The following CAMK1D variants were observed in gnomAD, a reference collection of about 807,000 sequenced individuals.
CAMK1D encodes calcium/calmodulin-dependent protein kinase type 1D.
A neutral mutation model predicts 47.7 loss-of-function variants in CAMK1D; 9 were observed. That is an observed-to-expected ratio of 0.19 (90% confidence interval 0.11 to 0.33). The LOEUF is 0.33. Among genes scored for constraint, CAMK1D ranks in the 10% least tolerant of loss-of-function variants. The pLI is 1.00. For missense variants in CAMK1D, 291 were observed against 488.7 expected, an observed-to-expected ratio of 0.60 and a Z score of 3.81; for synonymous variants, 184 against 184.9, an observed-to-expected ratio of 0.99 and a Z score of 0.04.
At chr10:12,622,698 A>G (rs964799950) in intron 2 of CAMK1D, among the ~76,000 whole-genome samples, 2 of 152,096 alleles carry the variant, frequency 1.3e-5, no homozygotes, top group African/African-American at 4.8e-5. Context: ...TCTCCCTGAA[A>G]GGAGACAAAC....
At chr10:12,766,009 A>G (rs1347634775) in intron 4 of CAMK1D, among the ~76,000 whole-genome samples, 3 of 129,122 alleles carry the variant, frequency 2.3e-5, no homozygotes, top group Admixed American at 1.9e-4. Flanking sequence ...CTTGTTGCCC[A>G]GACTGGAGTG....
intron 1 of CAMK1D, among the ~76,000 whole-genome samples, chr10:12,532,283 CTTT>C (rs375755257): frequency 6.9e-6 from 1 of 144,272 alleles, no homozygotes; most frequent in African/African-American, 2.5e-5. Context: ...TTTTTATTTT[CTTT>C]TTTTTTTTTT....
At chr10:12,809,027 G>A (rs1350713490) in intron 6 of CAMK1D, among the ~76,000 whole-genome samples, 1 of 151,398 alleles carries the variant, frequency 6.6e-6, no homozygotes, top group Non-Finnish European at 1.5e-5. Flanking sequence ...TGAGGCAGGA[G>A]AATTACTTGA....
intron 1 of CAMK1D, among the ~76,000 whole-genome samples, chr10:12,507,166 C>A (rs1834902059): frequency 6.6e-6 from 1 of 152,216 alleles, no homozygotes; most frequent in South Asian, 2.1e-4. Context: ...ACTTTTCTTG[C>A]AGCCTTGTTT....
intron 3 of CAMK1D, among the ~76,000 whole-genome samples, chr10:12,704,592 G>A (rs1434244798): frequency 6.6e-6 from 1 of 152,110 alleles, no homozygotes; most frequent in African/African-American, 2.4e-5. Flanking sequence ...CCCCAAGAAT[G>A]ATTCATCAAG....
intron 1 of CAMK1D, among the ~76,000 whole-genome samples, chr10:12,385,381 T>C (rs977313156): frequency 6.6e-6 from 1 of 152,202 alleles, no homozygotes; most frequent in Non-Finnish European, 1.5e-5. Context: ...AAAAAGAAAG[T>C]GTACGTATCC....
chr10:12,568,803 A>G (rs1226240958), intron 2 of CAMK1D, among the ~76,000 whole-genome samples: 1 of 152,128 alleles, frequency 6.6e-6, no homozygotes, highest in East Asian at 1.9e-4. Context: ...TCAACTAAGT[A>G]AGTGATACAG....
intron 3 of CAMK1D, among the ~76,000 whole-genome samples, chr10:12,718,188 G>A (rs893028074): frequency 6.6e-6 from 1 of 152,190 alleles, no homozygotes. Context: ...TTTTTGGATC[G>A]ATTTCTAGTT....
chr10:12,780,557 C>T (rs1235355840), intron 5 of CAMK1D, among the ~76,000 whole-genome samples: 2 of 152,170 alleles, frequency 1.3e-5, no homozygotes, highest in Non-Finnish European at 2.9e-5. Flanking sequence ...CAATGGACCT[C>T]CCCAGCGTCT....
chr10:12,437,293 G>A (rs1832664361), intron 1 of CAMK1D, among the ~76,000 whole-genome samples: 1 of 152,156 alleles, frequency 6.6e-6, no homozygotes. Flanking sequence ...CTGGGTTCAA[G>A]AGATTTTCCT....
chr10:12,515,118 C>T (rs903192292), intron 1 of CAMK1D, among the ~76,000 whole-genome samples: 16 of 151,996 alleles, frequency 1.1e-4, no homozygotes, highest in Non-Finnish European at 2.1e-4. Context: ...CCCCCTTGGC[C>T]TCCCAAAGTG....
intron 2 of CAMK1D, among the ~76,000 whole-genome samples, chr10:12,602,584 C>G (rs996856674): frequency 1.3e-5 from 2 of 152,156 alleles, no homozygotes; most frequent in African/African-American, 2.4e-5. Flanking sequence ...AGCTTCACCC[C>G]TCCTGGGCAG....
chr10:12,737,479 C>G (rs7068984), intron 3 of CAMK1D, among the ~76,000 whole-genome samples: 1 of 152,046 alleles, frequency 6.6e-6, no homozygotes, highest in Admixed American at 6.5e-5. Flanking sequence ...TCTCGTATTC[C>G]CCAGACCCCT....
Position 12,429,352 on chromosome 10 carries a change from C to G in CAMK1D, c.92+79442C>G, listed in dbSNP as rs371953809. The stretch of plus-strand genomic sequence containing the variant: ...TTCCCCATTCTCTCTCTCTTTTTTT[C>G]TTCCTGAGACAGAGTCTCGCTTTGT... On this transcript the variant is annotated intron_variant, in intron 1 of 10. Transcript: ENST00000619168. 1.7e-3 allele frequency among the ~76,000 whole-genome samples: 252 copies of G among 145,470 alleles called. 2 individuals are homozygous for G. Among genetic ancestry groups the G allele is most frequent in the African/African-American group, 5.6e-3 (229 of 40,680 alleles).
chr10:12,773,131 T>C (rs1315520817), intron 5 of CAMK1D, among the ~76,000 whole-genome samples: 1 of 152,248 alleles, frequency 6.6e-6, no homozygotes, highest in Non-Finnish European at 1.5e-5. Context: ...TCTGTGTCTC[T>C]CACTGCACTG....
chr10:12,776,633 G>C (rs1306487136), intron 5 of CAMK1D, among the ~76,000 whole-genome samples: 1 of 152,132 alleles, frequency 6.6e-6, no homozygotes, highest in African/African-American at 2.4e-5. Flanking sequence ...TTGAATATAT[G>C]TTATTGAATC....
intron 2 of CAMK1D, among the ~76,000 whole-genome samples, chr10:12,659,075 G>A (rs1011582859): frequency 2.0e-5 from 3 of 152,166 alleles, no homozygotes; most frequent in South Asian, 4.1e-4. Context: ...CTGTGGGGTC[G>A]GAGGCCCACA....
intron 1 of CAMK1D, among the ~76,000 whole-genome samples, chr10:12,388,185 C>T (rs1008588891): frequency 1.3e-5 from 2 of 152,116 alleles, no homozygotes; most frequent in Non-Finnish European, 2.9e-5. Context: ...TGCCGCCGCA[C>T]CTGGCTAATT....
chr10:12,412,886 C>A (rs76185515), intron 1 of CAMK1D, among the ~76,000 whole-genome samples: 1,891 of 152,094 alleles, frequency 0.012, 37 homozygotes, highest in African/African-American at 0.043. Context: ...GTCTTTCTGT[C>A]CCTGGAAAGG....
Sources: allele counts gnomAD v4.1 joint callset (sites outside exome capture counted in the v4.1 genomes callset), GRCh38; gene constraint gnomAD v4.1.1; transcripts MANE v1.5; gene names NCBI Gene and HGNC (gene_info 2026-07-23, HGNC 2026-07-21).